The following VEPH1 variants were observed in gnomAD, a reference collection of about 807,000 sequenced individuals.
VEPH1 encodes the protein ventricular zone expressed PH domain containing 1.
VEPH1 carries 80 observed loss-of-function variants against 85.2 expected under a neutral mutation model. The ratio of observed to expected loss-of-function variants is 0.94; its 90% CI spans 0.78 to 1.13. The LOEUF is 1.13. Among genes scored for constraint, VEPH1 ranks in the 50% most tolerant of loss-of-function variants. VEPH1 has a pLI of 0.00. For synonymous variants in VEPH1, 297 were observed against 348.0 expected, an observed-to-expected ratio of 0.85 and a Z score of 1.63; for missense variants, 955 against 980.5, an observed-to-expected ratio of 0.97 and a Z score of 0.35.
intron 11 of VEPH1, among the ~76,000 whole-genome samples, chr3:157,295,183 C>T (rs1168503662): frequency 6.6e-6 from 1 of 152,182 alleles, no homozygotes; most frequent in Admixed American, 6.5e-5. Context: ...CAAAAGGAAA[C>T]TTAGGAGGTT....
intron 12 of VEPH1, among the ~76,000 whole-genome samples, chr3:157,282,086 C>A (rs1716204943): frequency 1.3e-5 from 2 of 152,168 alleles, no homozygotes. Context: ...AAAAAACTCT[C>A]CTGACACAGG....
At chr3:157,398,998 T>C (rs1477610385) in intron 6 of VEPH1, among the ~76,000 whole-genome samples, 1 of 152,084 alleles carries the variant, frequency 6.6e-6, no homozygotes, top group Non-Finnish European at 1.5e-5. Context: ...TCATAGATTG[T>C]GAGACTTCAG....
At chr3:157,452,905 C>T (rs904618656) in intron 4 of VEPH1, among the ~76,000 whole-genome samples, 1 of 152,156 alleles carries the variant, frequency 6.6e-6, no homozygotes, top group African/African-American at 2.4e-5. Flanking sequence ...TTTTGGGGAT[C>T]TACTCCTCCT....
chr3:157,440,358 G>T (rs985261710), intron 4 of VEPH1, among the ~76,000 whole-genome samples: 10 of 152,056 alleles, frequency 6.6e-5, no homozygotes, highest in African/African-American at 2.4e-4. Context: ...GTTCATATTT[G>T]TTTAATGTTT....
intron 9 of VEPH1, among the ~76,000 whole-genome samples, chr3:157,321,419 T>C (rs1721334651): frequency 6.6e-6 from 1 of 152,190 alleles, no homozygotes; most frequent in South Asian, 2.1e-4. Flanking sequence ...GAACTAATTT[T>C]CACTGACTCC....
chr3:157,442,447 A>C, intron 4 of VEPH1: 1 of 1,614,196 alleles, frequency 6.2e-7, no homozygotes, highest in Non-Finnish European at 8.5e-7. Flanking sequence ...ATGAGGCTTG[A>C]GTCTTTTAGT....
intron 5 of VEPH1, among the ~76,000 whole-genome samples, chr3:157,417,935 C>G (rs2109056059): frequency 6.6e-6 from 1 of 152,204 alleles, no homozygotes; most frequent in South Asian, 2.1e-4. Flanking sequence ...CATTCCTTGC[C>G]CCATCCCTTC....
intron 4 of VEPH1, among the ~76,000 whole-genome samples, chr3:157,441,967 T>C (rs1258824543): frequency 6.6e-6 from 1 of 152,116 alleles, no homozygotes; most frequent in Non-Finnish European, 1.5e-5. Context: ...GAGAACCAGG[T>C]TGGGTTCTGA....
chr3:157,430,349 AT>A (rs1459205423), intron 4 of VEPH1, among the ~76,000 whole-genome samples: 1 of 152,042 alleles, frequency 6.6e-6, no homozygotes, highest in Non-Finnish European at 1.5e-5. Flanking sequence ...TTCGCAACAT[AT>A]TTTTTTCCTA....
intron 12 of VEPH1, among the ~76,000 whole-genome samples, chr3:157,277,616 T>C (rs1214358751): frequency 6.6e-6 from 1 of 152,224 alleles, no homozygotes; most frequent in East Asian, 1.9e-4. Context: ...TAGATGTTTA[T>C]AATGTCTGCA....
At chr3:157,396,753 G>A (rs986987763) in intron 6 of VEPH1, among the ~76,000 whole-genome samples, 1 of 151,808 alleles carries the variant, frequency 6.6e-6, no homozygotes, top group African/African-American at 2.4e-5. Context: ...TTGAGAAGTG[G>A]CTATTCATGT....
chr3:157,268,653 A>T (rs76664168), intron 12 of VEPH1, among the ~76,000 whole-genome samples: 6,309 of 152,254 alleles, frequency 0.041, 265 homozygotes, highest in South Asian at 0.19. Flanking sequence ...AAAAGAAAGA[A>T]ATTTATGTGA....
At chr3:157,445,086 CCTT>C (rs1734438798) in intron 4 of VEPH1, among the ~76,000 whole-genome samples, 1 of 152,166 alleles carries the variant, frequency 6.6e-6, no homozygotes, top group Non-Finnish European at 1.5e-5. Context: ...TTCTTTTCCT[CCTT>C]CTGTCTGATT....
chr3:157,387,577 G>A (rs140791312), intron 6 of VEPH1, among the ~76,000 whole-genome samples: 8 of 152,300 alleles, frequency 5.3e-5, no homozygotes, highest in African/African-American at 1.7e-4. Context: ...GGGCAGCTCT[G>A]TAGGCTGCAG....
chr3:157,304,016 ATATTTTT>A lies in VEPH1; in HGVS notation c.2010+9598_2010+9604del, dbSNP rs1168380425. On this transcript the variant is annotated intron_variant, in intron 11 of 13. Transcript: ENST00000362010. ...CATGTAGACTTAAATTTCTCATCTTATATTTTTTATATATATATATATACACACATAC... is the reference window on the plus strand; with the variant it reads ...CATGTAGACTTAAATTTCTCATCTTATATATATATATATATACACACATAC... Among the ~76,000 whole-genome samples, 7 of 47,916 alleles carry A rather than the reference ATATTTTT, an allele frequency of 1.5e-4. No homozygotes were observed. In the East Asian group the frequency reaches 6.4e-3, roughly 44 times the overall value. 31.4% of individuals were successfully genotyped at this position (47,916 alleles called of 152,430 possible).
Position 157,407,076 on chromosome 3 carries a change from C to T in VEPH1, c.906+6805G>A, listed in dbSNP as rs7644426. ...ATGTTAGGAAAGAGGGCTATAATAACGATAATACCTAACAAGTGAGCAGAG... is the reference window on the plus strand; with the variant it reads ...ATGTTAGGAAAGAGGGCTATAATAATGATAATACCTAACAAGTGAGCAGAG... On this transcript the variant is annotated intron_variant, in intron 6 of 13. Transcript: ENST00000362010. Among the ~76,000 whole-genome samples, 580 of 151,224 alleles carry T rather than the reference C, an allele frequency of 3.8e-3. 9 individuals are homozygous for T. The highest frequency in any genetic ancestry group is 0.013 in the African/African-American group (544 of 41,284).
In VEPH1 at chr3:157,344,839, C is replaced by T. The variant is rs142212779; in HGVS notation, c.1735+18525G>A. Among the ~76,000 whole-genome samples the T allele has an allele frequency of 4.5e-4, 68 of 152,162 alleles. 1 individual carries two copies. The East Asian group carries it at 8.3e-3, about 19-fold the overall frequency. ...GTACCAAAACAGAGATATCGACCAA[C>T]GGAAAAGAACAGAACCCTCAGAAAT... On this transcript the variant is annotated intron_variant, in intron 9 of 13. Transcript: ENST00000362010.
At chr3:157,265,205 A>G (rs1449413336) in intron 13 of VEPH1, among the ~76,000 whole-genome samples, 1 of 152,218 alleles carries the variant, frequency 6.6e-6, no homozygotes, top group South Asian at 2.1e-4. Context: ...ATCAGAGCCA[A>G]TATCATAAGT....
At chr3:157,381,858 T>G (rs1728822575) in intron 6 of VEPH1, among the ~76,000 whole-genome samples, 1 of 152,344 alleles carries the variant, frequency 6.6e-6, no homozygotes, top group Middle Eastern at 3.4e-3. Flanking sequence ...AGTCTGCTTC[T>G]TTGAGATTTT....
Sources: allele counts gnomAD v4.1 joint callset (sites outside exome capture counted in the v4.1 genomes callset), GRCh38; gene constraint gnomAD v4.1.1; transcripts MANE v1.5; gene names NCBI Gene and HGNC (gene_info 2026-07-23, HGNC 2026-07-21).